Variants in RAD51B observed in about 807,000 individuals in gnomAD.
The protein encoded by RAD51B is RAD51 paralog B, also known as DNA repair protein RAD51 homolog 2.
In RAD51B, 38 loss-of-function variants were observed where a neutral mutation model predicts 42.2. The observed-to-expected ratio is 0.90, with a 90% confidence interval of 0.70 to 1.18. The LOEUF is 1.18. Among genes scored for constraint, RAD51B ranks in the 50% most tolerant of loss-of-function variants. The pLI is 0.00. For missense variants in RAD51B, 373 were observed against 400.7 expected, an observed-to-expected ratio of 0.93 and a Z score of 0.59; for synonymous variants, 154 against 145.2, an observed-to-expected ratio of 1.06 and a Z score of -0.43.
chr14:68,045,996 C>T (rs551327391), intron 7 of RAD51B, among the ~76,000 whole-genome samples: 77 of 152,086 alleles, frequency 5.1e-4, no homozygotes, highest in Admixed American at 1.8e-3. Context: ...CAGCAGCCAC[C>T]GCTGCTGCCA....
At chr14:68,664,790 C>G (rs971551780) in intron 11 of RAD51B, among the ~76,000 whole-genome samples, 6 of 152,212 alleles carry the variant, frequency 3.9e-5, no homozygotes, top group African/African-American at 1.4e-4. Flanking sequence ...TCTGGGCCAT[C>G]TTGTGCCCTC....
rs111754508 is a variant in RAD51B, at chr14:68,549,714, G to A, written c.1037-44771G>A. Among the ~76,000 whole-genome samples, 212 of 152,172 alleles carry A rather than the reference G, an allele frequency of 1.4e-3. 1 individual carries two copies. The highest frequency in any genetic ancestry group is 4.9e-3 in the African/African-American group (202 of 41,528). On this transcript the variant is annotated intron_variant, in intron 10 of 10. Transcript: ENST00000487270. Reference sequence around the variant, plus strand: ...CAGGCGTGAGCCACCGCGCCCGGCCGCCCTGGACACATTTTTATAGAAAGA... The same window carrying A: ...CAGGCGTGAGCCACCGCGCCCGGCCACCCTGGACACATTTTTATAGAAAGA...
intron 10 of RAD51B, among the ~76,000 whole-genome samples, chr14:68,584,255 A>T (rs1251810667): frequency 6.6e-6 from 1 of 152,114 alleles, no homozygotes; most frequent in Non-Finnish European, 1.5e-5. Context: ...ACAAAAGGAC[A>T]CGTCTCTGGA....
chr14:68,388,094 A>ATATATAT (rs1483952338), intron 8 of RAD51B, among the ~76,000 whole-genome samples: 2 of 118,930 alleles, frequency 1.7e-5, no homozygotes, highest in African/African-American at 6.8e-5. Flanking sequence ...ATATATATAT[A>ATATATAT]TTTTTTTTTT....
At chr14:68,477,456 G>A (rs1239434648) in intron 10 of RAD51B, among the ~76,000 whole-genome samples, 192 bp from the exon 11 acceptor site, 1 of 152,172 alleles carries the variant, frequency 6.6e-6, no homozygotes, top group African/African-American at 2.4e-5. Context: ...AGCCAGGGCT[G>A]CGGGACCCTA....
exon 11 of RAD51B, chr14:68,595,590 C>T (rs1305640449): frequency 1.9e-6 from 2 of 1,066,352 alleles, no homozygotes; most frequent in East Asian, 9.9e-5. Flanking sequence ...ATGACCAGAA[C>T]AAGGGAGCAG....
intron 10 of RAD51B, among the ~76,000 whole-genome samples, chr14:68,633,719 G>C (rs1892284827): frequency 6.6e-6 from 1 of 152,240 alleles, no homozygotes; most frequent in Non-Finnish European, 1.5e-5. Context: ...GGAAGCCTGT[G>C]GGCTGGAGCT....
At chr14:68,237,530 A>T (rs961643450) in intron 7 of RAD51B, among the ~76,000 whole-genome samples, 8 of 152,142 alleles carry the variant, frequency 5.3e-5, no homozygotes, top group African/African-American at 1.7e-4. Context: ...AAGTTTGAGA[A>T]CATTTTTACT....
chr14:68,611,481 A>C (rs959063901), exon 11 of RAD51B: 1 of 552,308 alleles, frequency 1.8e-6, no homozygotes, highest in African/African-American at 1.9e-5. Context: ...TCTTCTGCAG[A>C]GTGATTAGAG....
rs759693592 is a variant in RAD51B at position 68,594,578 on chromosome 14, G to A, written c.1130G>A (p.Cys377Tyr). ...CCTGAGCAGCTAGGACTACAGATGT[G>A]CCACCATACCCAGCTAATTTTTTAA... Residue 377 changes from cysteine (C) to tyrosine (Y), a missense_variant, in exon 11 of 11, where the codon TGC (cysteine) becomes TAC (tyrosine). Physicochemically the swap from Cys to Tyr is radical, Grantham distance 194. Transcript: ENST00000487270. 3.1e-6 allele frequency: 4 copies of A among 1,305,532 alleles called. No individual in the cohort carries two copies. The South Asian group carries it at 4.9e-5, about 16-fold the overall frequency. 80.9% of individuals were successfully genotyped at this position (1,305,532 alleles called of 1,614,324 possible).
intron 10 of RAD51B, among the ~76,000 whole-genome samples, chr14:68,507,482 A>C (rs1267837913): frequency 6.6e-6 from 1 of 152,224 alleles, no homozygotes; most frequent in Non-Finnish European, 1.5e-5. Context: ...AGAGGGTCCT[A>C]GGACTGGCAT....
chr14:68,440,873 T>A (rs1445600564), intron 9 of RAD51B, among the ~76,000 whole-genome samples: 1 of 152,232 alleles, frequency 6.6e-6, no homozygotes, highest in Non-Finnish European at 1.5e-5. Context: ...CCTCATCCTT[T>A]TGAGAACTGG....
intron 7 of RAD51B, among the ~76,000 whole-genome samples, chr14:68,137,282 T>C (rs2078031098): frequency 6.6e-6 from 1 of 152,172 alleles, no homozygotes; most frequent in South Asian, 2.1e-4. Context: ...ATTTGAGTTT[T>C]GACATTACTA....
chr14:68,515,376 G>T (rs1206008441), intron 10 of RAD51B, among the ~76,000 whole-genome samples: 1 of 151,048 alleles, frequency 6.6e-6, no homozygotes, highest in Non-Finnish European at 1.5e-5. Flanking sequence ...ACGGGACAAA[G>T]ATAGACAGCA....
intron 8 of RAD51B, among the ~76,000 whole-genome samples, chr14:68,407,236 G>A (rs1048282078): frequency 6.6e-6 from 1 of 151,978 alleles, no homozygotes; most frequent in African/African-American, 2.4e-5. Flanking sequence ...AAAAAGTATA[G>A]TAAATACATA....
chr14:68,023,597 G>T (rs2140354974), intron 7 of RAD51B, among the ~76,000 whole-genome samples: 1 of 152,238 alleles, frequency 6.6e-6, no homozygotes, highest in Non-Finnish European at 1.5e-5. Flanking sequence ...AAAGTGCCAG[G>T]ATTACTGGTG....
chr14:67,949,344 A>G (rs1210422889), intron 7 of RAD51B, among the ~76,000 whole-genome samples: 5 of 152,358 alleles, frequency 3.3e-5, no homozygotes, highest in African/African-American at 1.2e-4. Context: ...TCATTTCAAC[A>G]ATGTTATTAG....
intron 8 of RAD51B, among the ~76,000 whole-genome samples, chr14:68,317,398 A>T (rs922184914): frequency 2.0e-5 from 3 of 152,204 alleles, no homozygotes; most frequent in Middle Eastern, 3.2e-3. Context: ...CTTAAGAACT[A>T]GTAGTCCAGT....
At chr14:68,551,191 C>A (rs1406580152) in intron 10 of RAD51B, among the ~76,000 whole-genome samples, 2 of 152,174 alleles carry the variant, frequency 1.3e-5, no homozygotes, top group African/African-American at 4.8e-5. Context: ...TCCCCATCTT[C>A]ACTTCCACAT....
Sources: gnomAD v4.1 joint callset for allele counts (sites outside exome capture counted in the v4.1 genomes callset) on GRCh38, gnomAD v4.1.1 for gene constraint, MANE v1.5 for transcripts, NCBI Gene and HGNC (gene_info 2026-07-23, HGNC 2026-07-21) for gene names.